The following GREM2 variants were observed in gnomAD, a reference collection of about 807,000 sequenced individuals.
GREM2 encodes gremlin 2, DAN family BMP antagonist.
A neutral mutation model predicts 14.2 loss-of-function variants in GREM2; 11 were observed. The observed-to-expected ratio is 0.78, with a 90% CI of 0.49 to 1.28. The LOEUF (loss-of-function observed/expected upper bound fraction) is 1.28. GREM2 is among the 50% of genes most tolerant of loss of function. The pLI, the probability that GREM2 is intolerant of heterozygous loss-of-function variation, is 0.00. For synonymous variants in GREM2, 98 were observed against 97.6 expected, an observed-to-expected ratio of 1.00 and a Z score of -0.02; for missense variants, 210 against 218.5, an observed-to-expected ratio of 0.96 and a Z score of 0.24.
intron 1 of GREM2, among the ~76,000 whole-genome samples, chr1:240,507,040 A>G (rs1480625500): frequency 6.6e-6 from 1 of 152,230 alleles, no homozygotes; most frequent in Non-Finnish European, 1.5e-5. Context: ...GGTATTCACC[A>G]TGATAGAGAA....
chr1:240,553,602 T>G (rs904745704), intron 1 of GREM2, among the ~76,000 whole-genome samples: 1 of 152,218 alleles, frequency 6.6e-6, no homozygotes, highest in Admixed American at 6.5e-5. Context: ...TCATGTTTAA[T>G]GCAGTGTGAG....
intron 1 of GREM2, among the ~76,000 whole-genome samples, chr1:240,602,457 G>A (rs1679942395): frequency 6.6e-6 from 1 of 151,984 alleles, no homozygotes; most frequent in South Asian, 2.1e-4. Flanking sequence ...CAAACACTAA[G>A]CATTGTGATT....
In GREM2 at chr1:240,489,916, T is replaced by C. The variant is rs1677209336; in HGVS notation, c.*3053A>G. On this transcript the variant is annotated 3_prime_UTR_variant, in exon 2 of 2. Coordinates refer to ENST00000318160, the MANE Select transcript of GREM2 (RefSeq NM_022469.4). Reference sequence around the variant, plus strand: ...TGAATTATTTCCTAGGAAGTTGAGTTTAATTCCTTTGAAGCCTACACAGTG... The same window carrying C: ...TGAATTATTTCCTAGGAAGTTGAGTCTAATTCCTTTGAAGCCTACACAGTG... 6.6e-6 allele frequency: 1 copy of C among 152,230 alleles called. No homozygotes were observed. The allele number at this position is 152,230 out of a possible 1,614,324, so 9.4% of individuals were successfully genotyped here.
chr1:240,500,154 T>C (rs534233034), intron 1 of GREM2, among the ~76,000 whole-genome samples: 1 of 152,222 alleles, frequency 6.6e-6, no homozygotes, highest in East Asian at 1.9e-4. Flanking sequence ...GTTTTGAAAA[T>C]GTTAATATAA....
Position 240,549,544 on chromosome 1 carries a change from C to A in GREM2, c.-1-56068G>T, listed in dbSNP as rs575175234. Among the ~76,000 whole-genome samples the A allele has an allele frequency of 1.4e-4, 22 of 152,070 alleles. 1 individual carries two copies. In the East Asian group the frequency reaches 3.7e-3, roughly 25 times the overall value. On this transcript the variant is annotated intron_variant, in intron 1 of 1. Coordinates refer to ENST00000318160, the MANE Select transcript of GREM2 (RefSeq NM_022469.4). ...ACAGAATCAAATATTAAAGACACAA[C>A]AAAAAAACCGGTGCATCTGAAAGTG... is the stretch of plus-strand genomic sequence containing the variant.
At chr1:240,591,273 A>G (rs1679710096) in intron 1 of GREM2, among the ~76,000 whole-genome samples, 1 of 152,220 alleles carries the variant, frequency 6.6e-6, no homozygotes, top group Non-Finnish European at 1.5e-5. Context: ...TCATACAGTT[A>G]TGATCCTCCA....
chr1:240,531,079 G>A (rs1678348564), intron 1 of GREM2, among the ~76,000 whole-genome samples: 1 of 152,038 alleles, frequency 6.6e-6, no homozygotes, highest in Non-Finnish European at 1.5e-5. Context: ...CAAATAATTG[G>A]GATAATTGAA....
chr1:240,534,697 A>G (rs1239792207), intron 1 of GREM2, among the ~76,000 whole-genome samples: 2,235 of 151,646 alleles, frequency 0.015, 53 homozygotes, highest in Non-Finnish European at 0.017. Flanking sequence ...CATCTCAAAA[A>G]AAAAAAAAAA....
chr1:240,590,356 CT>C (rs1239633289), intron 1 of GREM2, among the ~76,000 whole-genome samples: 1 of 151,922 alleles, frequency 6.6e-6, no homozygotes, highest in African/African-American at 2.4e-5. Context: ...CACAAGTGTC[CT>C]CTAGAAGTTC....
intron 1 of GREM2, among the ~76,000 whole-genome samples, chr1:240,592,783 A>G (rs1237325344): frequency 1.3e-5 from 2 of 152,044 alleles, no homozygotes; most frequent in African/African-American, 4.8e-5. Context: ...CTGGCCTGTG[A>G]GGCTTGGACT....
rs1006161699 is a variant in GREM2 at position 240,492,179 on chromosome 1, G to A, written c.*790C>T. The A allele has an allele frequency of 2.2e-6, 1 of 449,554 alleles. No homozygotes were observed. The highest frequency in any genetic ancestry group is 4.5e-6 in the Non-Finnish European group (1 of 222,500). The allele number at this position is 449,554 out of a possible 1,614,324, so 27.8% of individuals were successfully genotyped here. A position where few individuals can be genotyped will look rare whatever the true frequency, so the allele number is the denominator to read the frequency against. ...CTTATAAAACCAGCGTTAATATAGA[G>A]ACCTTTGTGTGTGATAATATTCTAA... is the stretch of plus-strand genomic sequence containing the variant. On this transcript the variant is annotated 3_prime_UTR_variant, in exon 2 of 2. Coordinates refer to ENST00000318160, the MANE Select transcript of GREM2 (RefSeq NM_022469.4).
intron 1 of GREM2, among the ~76,000 whole-genome samples, chr1:240,563,007 AG>A (rs1397519519): frequency 2.0e-5 from 2 of 99,310 alleles, no homozygotes; most frequent in African/African-American, 4.0e-5. Context: ...TGTATATGTG[AG>A]TGTATGTGTG....
At chr1:240,525,694 A>G (rs1678205340) in intron 1 of GREM2, among the ~76,000 whole-genome samples, 2 of 152,162 alleles carry the variant, frequency 1.3e-5, no homozygotes, top group African/African-American at 2.4e-5. Flanking sequence ...GGCCAGGTTC[A>G]TCTTGAACTT....
chr1:240,499,993 A>G (rs567945236), intron 1 of GREM2, among the ~76,000 whole-genome samples: 1 of 152,230 alleles, frequency 6.6e-6, no homozygotes, highest in Non-Finnish European at 1.5e-5. Context: ...TTAGTGTTGA[A>G]CTCTTTTGCC....
intron 1 of GREM2, among the ~76,000 whole-genome samples, chr1:240,519,003 T>C (rs956690362): frequency 6.6e-6 from 1 of 152,192 alleles, no homozygotes; most frequent in Non-Finnish European, 1.5e-5. Flanking sequence ...TTTCAGGAAC[T>C]GATTCATTAC....
At chr1:240,563,320 C>T (rs555580654) in intron 1 of GREM2, among the ~76,000 whole-genome samples, 1 of 152,160 alleles carries the variant, frequency 6.6e-6, no homozygotes, top group South Asian at 2.1e-4. Context: ...AATATGAAGA[C>T]TTGTGACCAG....
At chr1:240,579,863 C>T (rs190625120) in intron 1 of GREM2, among the ~76,000 whole-genome samples, 2 of 152,312 alleles carry the variant, frequency 1.3e-5, no homozygotes, top group East Asian at 3.9e-4. Context: ...AGATGGAAGA[C>T]ATGCCTGGTG....
In GREM2 at chr1:240,590,983, G is replaced by T. The variant is rs554596464; in HGVS notation, c.-2+20901C>A. On this transcript the variant is annotated intron_variant, in intron 1 of 1. Coordinates refer to ENST00000318160, the MANE Select transcript of GREM2 (RefSeq NM_022469.4). ...TTTTAGTAGAGAAGGGGTTTCACCA[G>T]GTTGGCCAGGCTGGTCTCAAATGCC... 3.8e-3 allele frequency among the ~76,000 whole-genome samples: 574 copies of T among 150,852 alleles called. 1 individual carries two copies. The highest frequency in any genetic ancestry group is 0.011 in the African/African-American group (436 of 41,074).
intron 1 of GREM2, among the ~76,000 whole-genome samples, chr1:240,574,239 C>T (rs900539543): frequency 2.0e-5 from 3 of 152,046 alleles, no homozygotes; most frequent in Non-Finnish European, 4.4e-5. Context: ...TTTAAAATTT[C>T]TTTTCTGTTG....
Sources: gnomAD v4.1 joint callset for allele counts (sites outside exome capture counted in the v4.1 genomes callset) on GRCh38, gnomAD v4.1.1 for gene constraint, MANE v1.5 for transcripts, NCBI Gene and HGNC (gene_info 2026-07-23, HGNC 2026-07-21) for gene names.